The following TMEM266 variants were observed in gnomAD, a reference collection of about 807,000 sequenced individuals.
The protein encoded by TMEM266 is Hv1 related protein 1.
Under a neutral mutation model 50.5 loss-of-function variants are expected in TMEM266, and 33 were observed. The observed-to-expected ratio is 0.65, with a 90% CI of 0.50 to 0.87. The LOEUF is 0.87. Ranked by LOEUF, TMEM266 falls within the 40% of genes least tolerant of loss-of-function variation. TMEM266 has a pLI of 0.00. For missense variants in TMEM266, 655 were observed against 695.1 expected, an observed-to-expected ratio of 0.94 and a Z score of 0.65; for synonymous variants, 310 against 292.3, an observed-to-expected ratio of 1.06 and a Z score of -0.62.
chr15:76,097,931 G>A lies in TMEM266; in HGVS notation c.-96-36237G>A, dbSNP rs183974061. Among the ~76,000 whole-genome samples the A allele has an allele frequency of 3.2e-4, 48 of 151,896 alleles. 1 individual carries two copies. The highest frequency in any genetic ancestry group is 1.0e-3 in the African/African-American group (43 of 41,458). On this transcript the variant is annotated intron_variant, in intron 1 of 10. Coordinates refer to ENST00000388942, the MANE Select transcript of TMEM266 (RefSeq NM_152335.3). Reference sequence around the variant, plus strand: ...CTTGTGTATGCTTCATGAAGTTCTCGTGGTATATTTTTCAGCTCCATCAGG... The same window carrying A: ...CTTGTGTATGCTTCATGAAGTTCTCATGGTATATTTTTCAGCTCCATCAGG...
intron 6 of TMEM266, 44 bp from the exon 7 acceptor site, chr15:76,170,947 GAC>G: frequency 6.3e-7 from 1 of 1,579,338 alleles, no homozygotes; most frequent in Non-Finnish European, 8.6e-7. Flanking sequence ...CCTGGTCCCG[GAC>G]ACACGGCAGG....
intron 4 of TMEM266, 67 bp downstream of exon 4, chr15:76,156,825 A>C (rs1376051448): frequency 6.5e-7 from 1 of 1,537,250 alleles, no homozygotes; most frequent in African/African-American, 1.4e-5. Context: ...ATCTGCATTC[A>C]TCAGGGGTCC....
chr15:76,189,567 C>A (rs531296974), intron 8 of TMEM266, among the ~76,000 whole-genome samples: 1 of 152,036 alleles, frequency 6.6e-6, no homozygotes, highest in African/African-American at 2.4e-5. Flanking sequence ...GGTACTTTTC[C>A]CCTCGGAACC....
chr15:76,119,238 A>G (rs1318406529), intron 1 of TMEM266, among the ~76,000 whole-genome samples: 1 of 152,102 alleles, frequency 6.6e-6, no homozygotes, highest in Non-Finnish European at 1.5e-5. Flanking sequence ...TTGGTCAGGA[A>G]CGCTATCAGA....
Position 76,204,182 on chromosome 15 carries a change from A to G in TMEM266, c.1463A>G (p.Lys488Arg). 1 of 1,613,888 alleles carries G rather than the reference A, an allele frequency of 6.2e-7. No individual in the cohort carries two copies. The highest frequency in any genetic ancestry group is 8.5e-7 in the Non-Finnish European group (1 of 1,180,024). Residue 488 changes from lysine to arginine, a missense_variant, in exon 11 of 11, where the codon AAG becomes AGG. Physicochemically the swap from Lys to Arg is conservative, Grantham distance 26. Transcript: ENST00000388942. ...CACAGGGTAAGTCTGTTCAACCAGAAGAACCAGGAGGGCTTCACTGTCTTT... is the reference window on the plus strand; with the variant it reads ...CACAGGGTAAGTCTGTTCAACCAGAGGAACCAGGAGGGCTTCACTGTCTTT...
At chr15:76,197,890 C>T (rs944557268) in intron 9 of TMEM266, among the ~76,000 whole-genome samples, 3 of 152,246 alleles carry the variant, frequency 2.0e-5, no homozygotes, top group African/African-American at 2.4e-5. Context: ...CTGGGCAGGT[C>T]GGGGGCTCCA....
At chr15:76,133,247 A>G (rs1000098177) in intron 1 of TMEM266, among the ~76,000 whole-genome samples, 5 of 152,240 alleles carry the variant, frequency 3.3e-5, no homozygotes, top group East Asian at 1.9e-4. Context: ...CAGCCTGACC[A>G]ACATGGAGAA....
intron 1 of TMEM266, among the ~76,000 whole-genome samples, chr15:76,080,966 G>A (rs750748223): frequency 9.3e-5 from 14 of 150,950 alleles, no homozygotes. Flanking sequence ...GCCCAGGCTG[G>A]TCTCCAACCC....
intron 1 of TMEM266, among the ~76,000 whole-genome samples, chr15:76,076,941 GTTTT>G (rs913167444): frequency 6.6e-6 from 1 of 151,758 alleles, no homozygotes; most frequent in Non-Finnish European, 1.5e-5. Context: ...CTGAATAACC[GTTTT>G]TTTGTTTGTT....
At position 76,168,772 on chromosome 15, in the gene TMEM266, C is replaced by T. The variant is rs1486107572; in HGVS notation, c.457-1044C>T. ...CACTGGGGGATGGGGAGGGAATCAGCACAAGGTACAAGGCAGTGCTGTGGA... is the reference window on the plus strand; with the variant it reads ...CACTGGGGGATGGGGAGGGAATCAGTACAAGGTACAAGGCAGTGCTGTGGA... On this transcript the variant is annotated intron_variant, in intron 5 of 10. Transcript: ENST00000388942. This position sits in a 1 kb window ranked among gnomAD's most constrained non-coding sequence, Gnocchi z 4.4. Among the ~76,000 whole-genome samples, 1 of 152,240 alleles carries T rather than the reference C, an allele frequency of 6.6e-6. No individual in the cohort carries two copies. The highest frequency in any genetic ancestry group is 6.5e-5 in the Admixed American group (1 of 15,288).
intron 3 of TMEM266, among the ~76,000 whole-genome samples, chr15:76,146,610 T>C (rs1394650999): frequency 6.6e-6 from 1 of 152,072 alleles, no homozygotes; most frequent in Admixed American, 6.5e-5. Flanking sequence ...GTTAGAAAAA[T>C]AAGACAGACC....
chr15:76,166,025 G>A lies in TMEM266; in HGVS notation c.457-3791G>A, dbSNP rs569810898. On this transcript the variant is annotated intron_variant, in intron 5 of 10. Coordinates refer to ENST00000388942, the MANE Select transcript of TMEM266 (RefSeq NM_152335.3). ...TGTCCACGAGAGTCCAGGAATCTGC[G>A]TTTCACGTAAACCCCCCGATGCTGC... is the stretch of plus-strand genomic sequence containing the variant. Among the ~76,000 whole-genome samples the A allele has an allele frequency of 7.2e-5, 11 of 152,328 alleles. No individual in the cohort carries two copies. The East Asian group carries it at 7.7e-4, about 11-fold the overall frequency.
chr15:76,156,458 G>A lies in TMEM266; in HGVS notation c.228-146G>A, dbSNP rs1475746720. The A allele has an allele frequency of 6.6e-6, 5 of 755,306 alleles. No homozygotes were observed. The Middle Eastern group carries it at 1.2e-3, about 180-fold the overall frequency. 46.8% of individuals were successfully genotyped at this position (755,306 alleles called of 1,614,324 possible). A position where few individuals can be genotyped will look rare whatever the true frequency, so the allele number is the denominator to read the frequency against. Reference sequence around the variant, plus strand: ...GACGCTCCCCAGCCTCTTGAATGAGGTTGTGTTTCGCCATGAAGCCTAGAG... The same window carrying A: ...GACGCTCCCCAGCCTCTTGAATGAGATTGTGTTTCGCCATGAAGCCTAGAG... On this transcript the variant is annotated intron_variant, in intron 3 of 10. Transcript: ENST00000388942.
chr15:76,203,990 C>A lies in TMEM266; in HGVS notation c.1271C>A (p.Pro424His), dbSNP rs771706401. 1 of 1,608,582 alleles carries A rather than the reference C, an allele frequency of 6.2e-7. No homozygotes were observed. Among genetic ancestry groups the A allele is most frequent in the Admixed American group, 1.7e-5 (1 of 59,886 alleles). The change falls in exon 11 of 11, where the codon CCT becomes CAT. Residue 424 changes from proline (P) to histidine (H), a missense_variant. Pro to His is a moderately conservative substitution (Grantham distance 77, BLOSUM62 -2). Coordinates refer to ENST00000388942, the MANE Select transcript of TMEM266 (RefSeq NM_152335.3). ...GAGGAGCCGTCCTCTGAGCCCGGCC[C>A]TTCTCCCCCGCCGCTGCCATCCCAG...
At chr15:76,154,340 G>C (rs570368218) in intron 3 of TMEM266, among the ~76,000 whole-genome samples, 1 of 152,136 alleles carries the variant, frequency 6.6e-6, no homozygotes, top group African/African-American at 2.4e-5. Flanking sequence ...TCAGTCTGGG[G>C]TTTCCTCTGT....
chr15:76,170,511 G>A (rs765121459), intron 6 of TMEM266, among the ~76,000 whole-genome samples: 28 of 151,498 alleles, frequency 1.8e-4, no homozygotes, highest in Non-Finnish European at 4.0e-4. Flanking sequence ...GGGCTTCATT[G>A]TGCAGGCTGG....
intron 1 of TMEM266, among the ~76,000 whole-genome samples, chr15:76,103,249 T>C (rs2142005005): frequency 6.6e-6 from 1 of 152,132 alleles, no homozygotes; most frequent in East Asian, 1.9e-4. Context: ...GTGCCTGTAA[T>C]TCCAGCATTT....
At position 76,204,293 on chromosome 15, in the gene TMEM266, T is replaced by A. The variant is rs776876074; in HGVS notation, c.1574T>A (p.Leu525Gln). The A allele has an allele frequency of 1.9e-6, 3 of 1,610,646 alleles. No homozygotes were observed. Among genetic ancestry groups the A allele is most frequent in the Non-Finnish European group, 2.5e-6 (3 of 1,177,528 alleles). ...TCTTTGGAATCCAAAGAGCAAAAGC[T>A]GCACAGGGTCCCTGAGGCCTAGAGC... is the stretch of plus-strand genomic sequence containing the variant. Residue 525 changes from leucine (L) to glutamine (Q), a missense_variant, in exon 11 of 11, where the codon CTG (leucine) becomes CAG (glutamine). By Grantham distance (113) the Leu-to-Gln change is moderately radical. Coordinates refer to ENST00000388942, the MANE Select transcript of TMEM266 (RefSeq NM_152335.3).
chr15:76,163,711 C>G (rs2038050928), intron 5 of TMEM266, among the ~76,000 whole-genome samples: 1 of 152,120 alleles, frequency 6.6e-6, no homozygotes, highest in South Asian at 2.1e-4. Flanking sequence ...GCAGCAGGGC[C>G]CAGTGCAGGC....
Sources: gnomAD v4.1 joint callset for allele counts (sites outside exome capture counted in the v4.1 genomes callset) on GRCh38, gnomAD v4.1.1 for gene constraint, Gnocchi (gnomAD v3.1) non-coding constraint, MANE v1.5 for transcripts, NCBI Gene and HGNC (gene_info 2026-07-23, HGNC 2026-07-21) for gene names.